The following CYP20A1 variants were observed in gnomAD, a reference collection of about 807,000 sequenced individuals.
The protein encoded by CYP20A1 is cytochrome P450 20A1.
CYP20A1 carries 61 observed loss-of-function variants against 61.4 expected under a neutral mutation model. The ratio of observed to expected loss-of-function variants is 0.99; its 90% CI spans 0.81 to 1.23. The LOEUF is 1.23. Ranked by LOEUF, CYP20A1 falls within the 50% of genes most tolerant of loss-of-function variation. CYP20A1 has a pLI of 0.00. For synonymous variants in CYP20A1, 193 were observed against 188.2 expected, an observed-to-expected ratio of 1.03 and a Z score of -0.21; for missense variants, 530 against 542.4, an observed-to-expected ratio of 0.98 and a Z score of 0.23.
rs984543918 is a variant in CYP20A1, at chr2:203,296,494, A to T, written c.1169A>T (p.Asp390Val). Reference sequence around the variant, plus strand: ...TGTAGGTTTGATCCAGATCGGTTTGATGATGAATTAGTAATGAAAACTTTT... The same window carrying T: ...TGTAGGTTTGATCCAGATCGGTTTGTTGATGAATTAGTAATGAAAACTTTT... Reference protein sequence around the residue: ...SPHKFDPDRFDDELVMKTFSS... With the variant: ...SPHKFDPDRFVDELVMKTFSS... The change falls in exon 12 of 13, where the codon GAT becomes GTT. Residue 390 changes from aspartate (D) to valine (V), a missense_variant. Coordinates refer to ENST00000356079, the MANE Select transcript of CYP20A1 (RefSeq NM_177538.3). The T allele has an allele frequency of 3.1e-6, 5 of 1,612,100 alleles. No individual in the cohort carries two copies. The South Asian group carries it at 5.5e-5, about 18-fold the overall frequency.
intron 11 of CYP20A1, among the ~76,000 whole-genome samples, chr2:203,294,939 AAATTT>A (rs1317943740): frequency 2.4e-4 from 10 of 42,484 alleles, no homozygotes; most frequent in South Asian, 1.3e-3. Context: ...GCCTTTAAAA[AAATTT>A]TTTTTTTTTT....
At position 203,302,188 on chromosome 2, in the gene CYP20A1, A is replaced by G. The variant is rs1424647476; in HGVS notation, c.*5280A>G. Among the ~76,000 whole-genome samples, 1 of 152,012 alleles carries G rather than the reference A, an allele frequency of 6.6e-6. No homozygotes were observed. The highest frequency in any genetic ancestry group is 1.5e-5 in the Non-Finnish European group (1 of 67,974). On this transcript the variant is annotated 3_prime_UTR_variant, in exon 13 of 13. Coordinates refer to ENST00000356079, the MANE Select transcript of CYP20A1 (RefSeq NM_177538.3). ...GTAGTCTGCCCACCTTGACCTCCCA[A>G]AGTGCTGGGATTACAGGCATGGGGC...
chr2:203,296,813 C>G lies in CYP20A1; in HGVS notation c.1294C>G (p.Leu432Val), dbSNP rs771366594. 6.2e-7 allele frequency: 1 copy of G among 1,610,820 alleles called. No homozygotes were observed. Among genetic ancestry groups the G allele is most frequent in the South Asian group, 1.1e-5 (1 of 90,360 alleles). ...LLSVLVKRLH[L>V]LSVEGQVIET... ...TAGTGTATTGGTGAAGAGACTGCAC[C>G]TACTTTCTGTGGAGGGACAGGTTAT... The change falls in exon 13 of 13, where the codon CTA becomes GTA. Residue 432 changes from leucine (L) to valine (V), a missense_variant. Transcript: ENST00000356079.
intron 5 of CYP20A1, among the ~76,000 whole-genome samples, chr2:203,267,169 A>C (rs2067359962): frequency 2.6e-5 from 4 of 151,944 alleles, no homozygotes; most frequent in African/African-American, 7.3e-5. Context: ...TCTCTAAAAA[A>C]TAATAATAAT....
At chr2:203,290,035 G>A (rs940005749) in intron 10 of CYP20A1, among the ~76,000 whole-genome samples, 159 bp downstream of exon 10, 11 of 151,996 alleles carry the variant, frequency 7.2e-5, no homozygotes, top group Non-Finnish European at 1.5e-5. Context: ...CCACCTCCCA[G>A]GTTCAAGGGA....
At position 203,296,820 on chromosome 2, in the gene CYP20A1, C is replaced by G. The variant is rs777041136; in HGVS notation, c.1301C>G (p.Ser434Cys). 37 of 1,611,170 alleles carry G rather than the reference C, an allele frequency of 2.3e-5. No homozygotes were observed. Among genetic ancestry groups the G allele is most frequent in the Middle Eastern group, 1.6e-4 (1 of 6,076 alleles). ...TTGGTGAAGAGACTGCACCTACTTT[C>G]TGTGGAGGGACAGGTTATTGAAACA... ...SVLVKRLHLL[S>C]VEGQVIETKY... Residue 434 changes from serine to cysteine, a missense_variant, in exon 13 of 13, where the codon TCT (serine) becomes TGT (cysteine). Physicochemically the swap from Ser to Cys is moderately radical, Grantham distance 112 (BLOSUM62 -1). Coordinates refer to ENST00000356079, the MANE Select transcript of CYP20A1 (RefSeq NM_177538.3).
intron 1 of CYP20A1, among the ~76,000 whole-genome samples, chr2:203,243,040 G>A (rs926574584): frequency 6.6e-6 from 1 of 152,086 alleles, no homozygotes; most frequent in Admixed American, 6.6e-5. Flanking sequence ...CCTTAAGTGG[G>A]GTGTCTGGAA....
intron 1 of CYP20A1, among the ~76,000 whole-genome samples, chr2:203,240,475 A>G (rs1020057108): frequency 6.6e-6 from 1 of 152,262 alleles, no homozygotes; most frequent in African/African-American, 2.4e-5. Flanking sequence ...CTTGGAATTT[A>G]TTTCCTAGAG....
chr2:203,264,768 C>T (rs906426469), intron 4 of CYP20A1, among the ~76,000 whole-genome samples: 14 of 152,056 alleles, frequency 9.2e-5, no homozygotes, highest in African/African-American at 3.1e-4. Flanking sequence ...CTCACTCTGT[C>T]GCCCAGGCTG....
chr2:203,283,656 C>T (rs1225599350), intron 8 of CYP20A1, among the ~76,000 whole-genome samples: 1 of 150,596 alleles, frequency 6.6e-6, no homozygotes, highest in East Asian at 1.9e-4. Flanking sequence ...TCAAGCAATT[C>T]TCCTGCCTCA....
chr2:203,254,238 C>T (rs2066811451), intron 4 of CYP20A1, among the ~76,000 whole-genome samples: 1 of 152,104 alleles, frequency 6.6e-6, no homozygotes. Context: ...AGCCACCGTG[C>T]CCGGCCTTGT....
intron 4 of CYP20A1, among the ~76,000 whole-genome samples, chr2:203,253,764 A>G (rs2066788082): frequency 6.6e-6 from 1 of 152,154 alleles, no homozygotes; most frequent in Non-Finnish European, 1.5e-5. Flanking sequence ...GAAGCCAAGG[A>G]AAGGAGTAAC....
intron 10 of CYP20A1, 22 bp from the exon 11 acceptor site, chr2:203,292,240 A>G: frequency 1.3e-6 from 2 of 1,587,794 alleles, no homozygotes; most frequent in South Asian, 1.1e-5. Flanking sequence ...TCCTTGACTA[A>G]TTGGATTTTT....
intron 4 of CYP20A1, among the ~76,000 whole-genome samples, chr2:203,266,071 A>G (rs1006215430): frequency 6.6e-5 from 10 of 152,192 alleles, no homozygotes; most frequent in Non-Finnish European, 1.3e-4. Context: ...GGAAGGAATG[A>G]CAAAGAGACT....
chr2:203,265,847 C>T (rs1346180219), intron 4 of CYP20A1, among the ~76,000 whole-genome samples: 1 of 152,088 alleles, frequency 6.6e-6, no homozygotes, highest in Non-Finnish European at 1.5e-5. Flanking sequence ...TGCACCACCA[C>T]ACCTGACTAA....
chr2:203,239,778 G>C (rs1238728137), intron 1 of CYP20A1, among the ~76,000 whole-genome samples: 1 of 152,182 alleles, frequency 6.6e-6, no homozygotes, highest in Non-Finnish European at 1.5e-5. Flanking sequence ...ACTTGCCTCC[G>C]TCAGCGAGAG....
At chr2:203,296,703 G>A (rs1165234764) in intron 12 of CYP20A1, 55 bp from the exon 13 acceptor site, 50 of 1,546,732 alleles carry the variant, frequency 3.2e-5, no homozygotes, top group Non-Finnish European at 4.3e-6. Context: ...AGAACGTGCA[G>A]GTTTAAAGTA....
chr2:203,294,407 C>T (rs1047508002), intron 11 of CYP20A1, among the ~76,000 whole-genome samples: 1 of 151,662 alleles, frequency 6.6e-6, no homozygotes, highest in African/African-American at 2.4e-5. Flanking sequence ...TGTGGTGGCG[C>T]ATGCCTGTAA....
At chr2:203,269,280 T>A (rs2067460608) in intron 5 of CYP20A1, among the ~76,000 whole-genome samples, 1 of 43,912 alleles carries the variant, frequency 2.3e-5, no homozygotes, top group Non-Finnish European at 9.6e-5. Context: ...CTGTCTCCAA[T>A]TTTTTTTTTT....
Sources: gnomAD v4.1 joint callset for allele counts (sites outside exome capture counted in the v4.1 genomes callset) on GRCh38, gnomAD v4.1.1 for gene constraint, MANE v1.5 for transcripts, NCBI Gene and HGNC (gene_info 2026-07-23, HGNC 2026-07-21) for gene names.